Variants in FASTKD2 observed in about 807,000 individuals in gnomAD.
FASTKD2 encodes the protein FAST kinase domain-containing protein 2, mitochondrial.
Under a neutral mutation model 63.6 loss-of-function variants are expected in FASTKD2, and 51 were observed. The observed-to-expected ratio is 0.80, with a 90% CI of 0.64 to 1.01. The LOEUF (loss-of-function observed/expected upper bound fraction) is 1.01, where lower values mean the gene tolerates loss of function less well. FASTKD2 is among the 50% of genes least tolerant of loss of function. The pLI, the probability that FASTKD2 is intolerant of heterozygous loss-of-function variation, is 0.00. For synonymous variants in FASTKD2, 284 were observed against 293.4 expected (o/e 0.97, Z 0.33); for missense variants, 786 against 831.1 (o/e 0.95, Z 0.67).
intron 6 of FASTKD2, among the ~76,000 whole-genome samples, chr2:206,772,673 C>G (rs12475891): frequency 2.0e-5 from 3 of 152,046 alleles, no homozygotes; most frequent in African/African-American, 7.3e-5. Context: ...GGCAGCAAGT[C>G]GCAGCTCCCA....
chr2:206,784,398 G>T (rs763516483), intron 7 of FASTKD2, among the ~76,000 whole-genome samples: 1 of 152,230 alleles, frequency 6.6e-6, no homozygotes, highest in Non-Finnish European at 1.5e-5. Flanking sequence ...TAGGAGAGTG[G>T]TAGGAATTCT....
chr2:206,779,241 C>A (rs930702467), intron 7 of FASTKD2, among the ~76,000 whole-genome samples: 1 of 152,176 alleles, frequency 6.6e-6, no homozygotes, highest in Non-Finnish European at 1.5e-5. Context: ...ATGTCTTTAT[C>A]CGTTTCTTCA....
At chr2:206,777,388 T>C (rs1472077067) in intron 7 of FASTKD2, among the ~76,000 whole-genome samples, 1 of 152,194 alleles carries the variant, frequency 6.6e-6, no homozygotes, top group Admixed American at 6.5e-5. Context: ...ATAAAGGTTG[T>C]TGAATTTCAT....
In FASTKD2 at chr2:206,793,908, G is replaced by GT. The variant is rs547846330; in HGVS notation, c.*2114dup. The stretch of plus-strand genomic sequence containing the variant: ...GATGGTTTTGCCTTTCAAATTAGCA[G>GT]TTTTTTTTCTTTTAAGAATTACAGT... On this transcript the variant is annotated 3_prime_UTR_variant, in exon 12 of 12. Transcript: ENST00000402774. Among the ~76,000 whole-genome samples the GT allele has an allele frequency of 2.0e-5, 3 of 151,988 alleles. No individual in the cohort carries two copies. Among genetic ancestry groups the GT allele is most frequent in the South Asian group, 4.1e-4 (2 of 4,820 alleles).
At chr2:206,772,358 T>C (rs1689708403) in intron 6 of FASTKD2, 38 bp downstream of exon 6, 2 of 1,581,558 alleles carry the variant, frequency 1.3e-6, no homozygotes, top group South Asian at 1.1e-5. Context: ...CCTCACAAAC[T>C]TTTAAAACAC....
At position 206,779,405 on chromosome 2, in the gene FASTKD2, T is replaced by C. The variant is rs148297322; in HGVS notation, c.1427+5008T>C. 2.1e-3 allele frequency among the ~76,000 whole-genome samples: 316 copies of C among 152,270 alleles called. 2 individuals carry two copies. The highest frequency in any genetic ancestry group is 7.1e-3 in the African/African-American group (293 of 41,546). On this transcript the variant is annotated intron_variant, in intron 7 of 11. Coordinates refer to ENST00000402774, the MANE Select transcript of FASTKD2 (RefSeq NM_001136193.2). Reference sequence around the variant, plus strand: ...CACGTTGCTATACTACCTAAGACTGTGTAATTTATAAAGAAAAGAGGTTTA... The same window carrying C: ...CACGTTGCTATACTACCTAAGACTGCGTAATTTATAAAGAAAAGAGGTTTA...
At chr2:206,766,512 C>T (rs1365826853) in intron 1 of FASTKD2, 132 bp from the exon 2 acceptor site, 4 of 601,896 alleles carry the variant, frequency 6.6e-6, no homozygotes, top group Admixed American at 6.0e-5. Flanking sequence ...GTAAAAAAAA[C>T]TTTTACTGTT....
Position 206,772,177 on chromosome 2 carries a change from C to T in FASTKD2, c.1115-4C>T. 1 of 1,610,504 alleles carries T rather than the reference C, an allele frequency of 6.2e-7. No homozygotes were observed. The highest frequency in any genetic ancestry group is 8.5e-7 in the Non-Finnish European group (1 of 1,176,738). On this transcript the variant is annotated splice_polypyrimidine_tract_variant and splice_region_variant and intron_variant, in intron 5 of 11. Coordinates refer to ENST00000402774, the MANE Select transcript of FASTKD2 (RefSeq NM_001136193.2). ...TTGTTTGTTTATTTAACTCATTCTTCAAGATAATATCCATGGGTGTCCTTT... is the reference window on the plus strand; with the variant it reads ...TTGTTTGTTTATTTAACTCATTCTTTAAGATAATATCCATGGGTGTCCTTT...
At position 206,771,842 on chromosome 2, in the gene FASTKD2, A is replaced by T. The variant is rs1689690705; in HGVS notation, c.991-52A>T. On this transcript the variant is annotated intron_variant, in intron 4 of 11. Transcript: ENST00000402774. ...CCTGTCTCAATAAAAATAAAAGTTT[A>T]ATTTATTTTGTCACAGATAGTAAAT... 7 of 1,412,110 alleles carry T rather than the reference A, an allele frequency of 5.0e-6. No homozygotes were observed. The Admixed American group carries it at 1.2e-4, about 24-fold the overall frequency. The allele number at this position is 1,412,110 out of a possible 1,614,324, so 87.5% of individuals were successfully genotyped here.
Position 206,767,308 on chromosome 2 carries a change from A to G in FASTKD2, c.615A>G (p.Arg205=), listed in dbSNP as rs1689543409. 1 of 1,614,216 alleles carries G rather than the reference A, an allele frequency of 6.2e-7. No homozygotes were observed. The highest frequency in any genetic ancestry group is 8.5e-7 in the Non-Finnish European group (1 of 1,180,032). The stretch of plus-strand genomic sequence containing the variant: ...ATGACCAGAAGCGCTTTGAAAAACG[A>G]CTGATGTTTAGCCACCCTGCATTTA... ...LSDDQKRFEK[R]LMFSHPAFNQ... is the part of the protein sequence containing the mutation. Residue 205 remains arginine (R), a synonymous_variant, in exon 2 of 12, where the codon CGA becomes CGG. Transcript: ENST00000402774.
intron 9 of FASTKD2, among the ~76,000 whole-genome samples, chr2:206,788,596 G>A (rs529352099): frequency 4.6e-5 from 7 of 151,882 alleles, no homozygotes; most frequent in South Asian, 2.1e-4. Context: ...TTAGATGGGC[G>A]TGATGGCATG....
chr2:206,775,766 A>G (rs1024018958), intron 7 of FASTKD2, among the ~76,000 whole-genome samples: 2 of 151,884 alleles, frequency 1.3e-5, no homozygotes, highest in African/African-American at 4.8e-5. Flanking sequence ...TTTCTTTACT[A>G]GGTAGTAGTT....
chr2:206,789,198 A>G (rs1322039453), intron 10 of FASTKD2: 3 of 316,152 alleles, frequency 9.5e-6, no homozygotes, highest in East Asian at 1.4e-4. Flanking sequence ...CTATCAATGC[A>G]GTGTAGACTT....
rs1559361525 is a variant in FASTKD2, at chr2:206,774,433, A to G, written c.1427+36A>G. On this transcript the variant is annotated intron_variant, in intron 7 of 11. Coordinates refer to ENST00000402774, the MANE Select transcript of FASTKD2 (RefSeq NM_001136193.2). ...GTTTTTTTTTACCTTTTTTATTGCC[A>G]TATAACTTACAAAAAAGGTTATAAA... 4.5e-6 allele frequency: 6 copies of G among 1,336,602 alleles called. No homozygotes were observed. The East Asian group carries it at 9.2e-5, about 21-fold the overall frequency. 82.8% of individuals were successfully genotyped at this position (1,336,602 alleles called of 1,614,324 possible).
At chr2:206,765,928 A>G (rs1350290265) in intron 1 of FASTKD2, among the ~76,000 whole-genome samples, 181 bp downstream of exon 1, 1 of 151,948 alleles carries the variant, frequency 6.6e-6, no homozygotes, top group African/African-American at 2.4e-5. Flanking sequence ...CTACCTGCCC[A>G]GGTCCCTATT....
chr2:206,771,837 AG>A, intron 4 of FASTKD2, 56 bp from the exon 5 acceptor site: 1 of 1,376,694 alleles, frequency 7.3e-7, no homozygotes, highest in Non-Finnish European at 1.0e-6. Context: ...TAAAAATAAA[AG>A]TTTAATTTAT....
At chr2:206,786,929 A>AT in intron 8 of FASTKD2, 30 bp downstream of exon 8, 1 of 845,756 alleles carries the variant, frequency 1.2e-6, no homozygotes, top group Non-Finnish European at 1.9e-6. Flanking sequence ...TTGGTCACCA[A>AT]TTGTGACCAA....
At position 206,767,199 on chromosome 2, in the gene FASTKD2, T is replaced by G. The variant is rs780526055; in HGVS notation, c.506T>G (p.Val169Gly). 2 of 1,614,204 alleles carry G rather than the reference T, an allele frequency of 1.2e-6. No homozygotes were observed. Among genetic ancestry groups the G allele is most frequent in the Non-Finnish European group, 1.7e-6 (2 of 1,180,022 alleles). ...GAGGAATGTAATTCCCTGAGTGATG[T>G]GTTAGATGCATTTTCAAAAGCGCCC... is the stretch of plus-strand genomic sequence containing the variant. ...LSEECNSLSD[V>G]LDAFSKAPTF... is the part of the protein sequence containing the mutation. The change falls in exon 2 of 12, where the codon GTG (valine) becomes GGG (glycine). Residue 169 changes from valine (V) to glycine (G), a missense_variant. Transcript: ENST00000402774.
chr2:206,767,547 T>G, intron 2 of FASTKD2, 77 bp downstream of exon 2: 2 of 1,094,924 alleles, frequency 1.8e-6, no homozygotes, highest in Non-Finnish European at 2.7e-6. Context: ...TATAGATATG[T>G]AGCCTTCTTA....
Sources: gnomAD v4.1 joint callset for allele counts (sites outside exome capture counted in the v4.1 genomes callset) on GRCh38, gnomAD v4.1.1 for gene constraint, MANE v1.5 for transcripts, NCBI Gene and HGNC (gene_info 2026-07-23, HGNC 2026-07-21) for gene names.